SAMD4A: variants seen among roughly 807,000 people sequenced by gnomAD.
The protein encoded by SAMD4A is sterile alpha motif domain containing 4A, also known as protein Smaug homolog 1.
Under a neutral mutation model 81.3 loss-of-function variants are expected in SAMD4A, and 33 were observed. The observed-to-expected ratio is 0.41, with a 90% CI of 0.31 to 0.54. The LOEUF (loss-of-function observed/expected upper bound fraction) is 0.54. SAMD4A is among the 20% of genes least tolerant of loss of function. SAMD4A has a pLI of 0.37. For missense variants in SAMD4A, 854 were observed against 951.1 expected, an observed-to-expected ratio of 0.90 and a Z score of 1.34; for synonymous variants, 389 against 382.1, an observed-to-expected ratio of 1.02 and a Z score of -0.21.
intron 2 of SAMD4A, among the ~76,000 whole-genome samples, chr14:54,676,120 C>T (rs1381405395): frequency 6.6e-6 from 1 of 152,138 alleles, no homozygotes; most frequent in Non-Finnish European, 1.5e-5. Context: ...TGAGTATGAT[C>T]CTGTACAAAG....
At chr14:54,739,555 T>C (rs1164393490) in intron 4 of SAMD4A, among the ~76,000 whole-genome samples, 2 of 150,032 alleles carry the variant, frequency 1.3e-5, no homozygotes, top group Non-Finnish European at 3.0e-5. Flanking sequence ...AGAAACATTA[T>C]AGATGATGAA....
chr14:54,624,881 G>C (rs1158720533), intron 2 of SAMD4A, among the ~76,000 whole-genome samples: 2 of 152,012 alleles, frequency 1.3e-5, no homozygotes, highest in African/African-American at 4.8e-5. Context: ...TTAAGTATCA[G>C]AAAAATAAAT....
At chr14:54,635,223 G>GA (rs2035006910) in intron 2 of SAMD4A, among the ~76,000 whole-genome samples, 1 of 152,196 alleles carries the variant, frequency 6.6e-6, no homozygotes, top group East Asian at 1.9e-4. Flanking sequence ...AGGAGTTCAA[G>GA]ACCAGCCTGG....
chr14:54,706,602 C>T (rs542106895), intron 3 of SAMD4A, among the ~76,000 whole-genome samples: 1 of 113,668 alleles, frequency 8.8e-6, no homozygotes, highest in Non-Finnish European at 2.0e-5. Flanking sequence ...AAGACTCTGT[C>T]TCAAAAAAAA....
intron 2 of SAMD4A, among the ~76,000 whole-genome samples, chr14:54,585,505 C>G (rs1216911704): frequency 6.6e-6 from 1 of 152,006 alleles, no homozygotes; most frequent in African/African-American, 2.4e-5. Context: ...TGAATAAGTT[C>G]TTTAGTGGTG....
chr14:54,664,299 CT>C (rs1328074247), intron 2 of SAMD4A, among the ~76,000 whole-genome samples: 1 of 152,156 alleles, frequency 6.6e-6, no homozygotes. Context: ...GGCATGGCCC[CT>C]GTACTTCTAC....
chr14:54,734,669 G>A (rs2037647052), intron 3 of SAMD4A, among the ~76,000 whole-genome samples: 1 of 152,190 alleles, frequency 6.6e-6, no homozygotes, highest in African/African-American at 2.4e-5. Flanking sequence ...CTTCCCCAAG[G>A]ATGCCTCTCA....
At position 54,748,963 on chromosome 14, in the gene SAMD4A, C is replaced by A. The variant is rs1173950410; in HGVS notation, c.1089+39C>A. The A allele has an allele frequency of 2.8e-6, 4 of 1,426,904 alleles. No individual in the cohort carries two copies. The Admixed American group carries it at 5.9e-5, about 21-fold the overall frequency. The allele number at this position is 1,426,904 out of a possible 1,614,324, so 88.4% of individuals were successfully genotyped here. A position where few individuals can be genotyped will look rare whatever the true frequency, so the allele number is the denominator to read the frequency against. ...GTGACTGTTCCCTGAGAGGGTGCCCCAGGCAGGACCTGAAGTTCAAGGCCT... is the reference window on the plus strand; with the variant it reads ...GTGACTGTTCCCTGAGAGGGTGCCCAAGGCAGGACCTGAAGTTCAAGGCCT... On this transcript the variant is annotated intron_variant, in intron 5 of 12. Transcript: ENST00000554335.
chr14:54,725,430 T>C (rs926332505), intron 3 of SAMD4A, among the ~76,000 whole-genome samples: 2 of 152,220 alleles, frequency 1.3e-5, no homozygotes, highest in African/African-American at 4.8e-5. Flanking sequence ...CAGAAGTTTG[T>C]CAGTATAGGT....
chr14:54,619,336 T>C (rs1015075677), intron 2 of SAMD4A, among the ~76,000 whole-genome samples: 5 of 152,350 alleles, frequency 3.3e-5, no homozygotes, highest in Admixed American at 1.3e-4. Context: ...AATCTTGAGC[T>C]CTTGCCTTCT....
At chr14:54,718,852 A>G (rs2037188063) in intron 3 of SAMD4A, among the ~76,000 whole-genome samples, 1 of 152,022 alleles carries the variant, frequency 6.6e-6, no homozygotes, top group South Asian at 2.1e-4. Flanking sequence ...AAAACTACAA[A>G]AATCAGCTGG....
In SAMD4A at chr14:54,628,546, T is replaced by G. The variant is rs546141822; in HGVS notation, c.196+60434T>G. On this transcript the variant is annotated intron_variant, in intron 2 of 12. Coordinates refer to ENST00000554335, the MANE Select transcript of SAMD4A (RefSeq NM_015589.6). Reference sequence around the variant, plus strand: ...TAGGTGCTATAAAAATAAAGCATGCTCTGTCCCCAAGAATGCTTCCTAGGG... The same window carrying G: ...TAGGTGCTATAAAAATAAAGCATGCGCTGTCCCCAAGAATGCTTCCTAGGG... Among the ~76,000 whole-genome samples the G allele has an allele frequency of 3.3e-5, 5 of 152,254 alleles. No homozygotes were observed. In the East Asian group the frequency reaches 9.6e-4, roughly 29 times the overall value.
At chr14:54,696,361 A>G (rs1383126227) in intron 2 of SAMD4A, among the ~76,000 whole-genome samples, 2 of 152,242 alleles carry the variant, frequency 1.3e-5, no homozygotes, top group Admixed American at 1.3e-4. Context: ...TGATGTGTCT[A>G]GGATTGACTT....
chr14:54,568,692 TATATA>T (rs2033030286), intron 2 of SAMD4A, among the ~76,000 whole-genome samples: 11 of 290 alleles, frequency 0.038, no homozygotes, highest in African/African-American at 0.11. Context: ...ATTTGCAGCA[TATATA>T]TATATATATA....
intron 6 of SAMD4A, chr14:54,754,734 C>A: frequency 1.6e-6 from 1 of 610,822 alleles, no homozygotes; most frequent in Non-Finnish European, 2.1e-6. Flanking sequence ...CATATTCTTA[C>A]CTCACATAGA....
intron 2 of SAMD4A, among the ~76,000 whole-genome samples, chr14:54,660,250 A>T (rs2035611502): frequency 6.6e-6 from 1 of 152,174 alleles, no homozygotes; most frequent in Admixed American, 6.5e-5. Context: ...GGAAGTAGGC[A>T]TTATTTTTAT....
chr14:54,614,597 C>G (rs1220344870), intron 2 of SAMD4A, among the ~76,000 whole-genome samples: 1 of 152,208 alleles, frequency 6.6e-6, no homozygotes, highest in Non-Finnish European at 1.5e-5. Context: ...CCTCCTCTTT[C>G]TATAAACGTG....
chr14:54,718,043 C>G (rs2037165486), intron 3 of SAMD4A, among the ~76,000 whole-genome samples: 1 of 152,114 alleles, frequency 6.6e-6, no homozygotes, highest in South Asian at 2.1e-4. Context: ...TATTCTCTTG[C>G]TCCTCTTCCC....
At chr14:54,633,916 T>A (rs2034965810) in intron 2 of SAMD4A, among the ~76,000 whole-genome samples, 2 of 151,672 alleles carry the variant, frequency 1.3e-5, no homozygotes, top group East Asian at 3.9e-4. Context: ...GGAGGGGGGA[T>A]CTTCTTGTCT....
Sources: gnomAD v4.1 joint callset for allele counts (sites outside exome capture counted in the v4.1 genomes callset) on GRCh38, gnomAD v4.1.1 for gene constraint, MANE v1.5 for transcripts, NCBI Gene and HGNC (gene_info 2026-07-23, HGNC 2026-07-21) for gene names.